Variants in SNTG1 observed in about 807,000 individuals in gnomAD.
The protein encoded by SNTG1 is gamma-1-syntrophin.
Under a neutral mutation model 74.7 loss-of-function variants are expected in SNTG1, and 39 were observed. The ratio of observed to expected loss-of-function variants is 0.52; its 90% confidence interval spans 0.40 to 0.68. SNTG1 has a LOEUF of 0.68. Among genes scored for constraint, SNTG1 ranks in the 30% least tolerant of loss-of-function variants. SNTG1 has a pLI of 0.00. For missense variants in SNTG1, 685 were observed against 609.5 expected (o/e 1.12, Z -1.30); for synonymous variants, 254 against 217.1 (o/e 1.17, Z -1.49).
intron 1 of SNTG1, among the ~76,000 whole-genome samples, chr8:49,956,337 T>C (rs919027564): frequency 6.6e-6 from 1 of 152,214 alleles, no homozygotes; most frequent in Non-Finnish European, 1.5e-5. Context: ...GACTGAAGTA[T>C]CCAAATTGAC....
intron 1 of SNTG1, among the ~76,000 whole-genome samples, chr8:50,027,390 T>C (rs934836944): frequency 6.6e-6 from 1 of 152,142 alleles, no homozygotes; most frequent in Admixed American, 6.5e-5. Context: ...CGTTGAACAA[T>C]GTCTTCCAAA....
At chr8:50,636,905 T>C (rs554266801) in intron 13 of SNTG1, among the ~76,000 whole-genome samples, 1 of 152,322 alleles carries the variant, frequency 6.6e-6, no homozygotes, top group East Asian at 1.9e-4. Context: ...TTTATAACTT[T>C]TTCTCACCAA....
intron 1 of SNTG1, among the ~76,000 whole-genome samples, chr8:50,149,028 G>A (rs192231816): frequency 1.3e-4 from 20 of 152,260 alleles, no homozygotes; most frequent in Admixed American, 6.5e-4. Context: ...GTGTAAAAGC[G>A]TCCCTATTTC....
chr8:50,252,508 G>A (rs539247059), intron 2 of SNTG1, among the ~76,000 whole-genome samples: 5 of 152,208 alleles, frequency 3.3e-5, no homozygotes, highest in South Asian at 2.1e-4. Context: ...AATAAAATCA[G>A]AGATAAAATT....
At chr8:50,296,190 T>C (rs2089361592) in intron 2 of SNTG1, among the ~76,000 whole-genome samples, 1 of 152,000 alleles carries the variant, frequency 6.6e-6, no homozygotes, top group African/African-American at 2.4e-5. Flanking sequence ...AACAAAACAG[T>C]GAAAGACAGT....
At chr8:50,258,173 A>G (rs775168043) in intron 2 of SNTG1, among the ~76,000 whole-genome samples, 31 of 152,212 alleles carry the variant, frequency 2.0e-4, no homozygotes, top group Non-Finnish European at 3.8e-4. Flanking sequence ...ACAATATATT[A>G]TTTAAAATGC....
chr8:50,554,897 T>C (rs578117229), intron 12 of SNTG1, among the ~76,000 whole-genome samples: 1 of 151,966 alleles, frequency 6.6e-6, no homozygotes, highest in Non-Finnish European at 1.5e-5. Flanking sequence ...AAGAACAGAA[T>C]GTTAAACTTT....
chr8:50,506,357 A>G (rs576231401), intron 9 of SNTG1, among the ~76,000 whole-genome samples: 184 of 152,122 alleles, frequency 1.2e-3, no homozygotes, highest in African/African-American at 4.3e-3. Context: ...GAAGTTTAGG[A>G]TAGTTTTTCT....
intron 4 of SNTG1, among the ~76,000 whole-genome samples, chr8:50,419,652 A>G (rs79723263): frequency 0.021 from 3,130 of 152,236 alleles, 114 homozygotes; most frequent in African/African-American, 0.071. Flanking sequence ...TAAAATTCCC[A>G]CCTATCACCA....
chr8:50,747,072 A>C (rs1156307265), intron 17 of SNTG1, among the ~76,000 whole-genome samples: 2 of 151,644 alleles, frequency 1.3e-5, no homozygotes, highest in Non-Finnish European at 2.9e-5. Flanking sequence ...AAAAAACCTT[A>C]TAGACTTCTG....
chr8:50,655,721 T>A (rs993483021), intron 13 of SNTG1, among the ~76,000 whole-genome samples: 2 of 152,188 alleles, frequency 1.3e-5, no homozygotes, highest in Non-Finnish European at 2.9e-5. Flanking sequence ...TAGACGACAG[T>A]AATATTTCAA....
intron 3 of SNTG1, among the ~76,000 whole-genome samples, chr8:50,398,299 T>A (rs2092754315): frequency 1.3e-5 from 2 of 152,242 alleles, no homozygotes; most frequent in African/African-American, 4.8e-5. Flanking sequence ...CTGCCCATCA[T>A]ACAGGGCGTT....
chr8:50,586,643 T>C (rs2094650157), intron 12 of SNTG1, among the ~76,000 whole-genome samples: 1 of 99,790 alleles, frequency 1.0e-5, no homozygotes, highest in Non-Finnish European at 2.0e-5. Context: ...CCTGTCTTCA[T>C]TTCATTAATA....
intron 1 of SNTG1, among the ~76,000 whole-genome samples, chr8:49,928,079 A>G (rs1196126637): frequency 2.0e-5 from 3 of 150,558 alleles, no homozygotes; most frequent in Admixed American, 6.6e-5. Context: ...TAGTGAGCCG[A>G]GATCACACCA....
At chr8:49,935,484 G>C (rs1292788665) in intron 1 of SNTG1, among the ~76,000 whole-genome samples, 2 of 138,930 alleles carry the variant, frequency 1.4e-5, no homozygotes, top group African/African-American at 5.5e-5. Flanking sequence ...CTGGGTCACT[G>C]GAAAAAAAGT....
intron 2 of SNTG1, among the ~76,000 whole-genome samples, chr8:50,387,957 T>C (rs1587428180): frequency 6.6e-6 from 1 of 152,296 alleles, no homozygotes; most frequent in East Asian, 1.9e-4. Context: ...AGACTTCATA[T>C]ATGTCTTCCT....
chr8:50,211,077 T>C (rs935234934), intron 2 of SNTG1, among the ~76,000 whole-genome samples: 2 of 152,160 alleles, frequency 1.3e-5, no homozygotes, highest in Non-Finnish European at 2.9e-5. Flanking sequence ...AATATGGGTG[T>C]TACAAATTCA....
chr8:50,294,932 G>T (rs999666438), intron 2 of SNTG1, among the ~76,000 whole-genome samples: 1 of 152,038 alleles, frequency 6.6e-6, no homozygotes, highest in African/African-American at 2.4e-5. Flanking sequence ...CGGACAACGA[G>T]CACTAAAAAA....
chr8:50,204,324 A>G (rs2131858273), intron 2 of SNTG1, among the ~76,000 whole-genome samples: 1 of 152,236 alleles, frequency 6.6e-6, no homozygotes, highest in South Asian at 2.1e-4. Context: ...TGGCACTGAA[A>G]TGAATTGTAG....
Sources: allele counts gnomAD v4.1 joint callset (sites outside exome capture counted in the v4.1 genomes callset), GRCh38; gene constraint gnomAD v4.1.1; transcripts MANE v1.5; gene names NCBI Gene and HGNC (gene_info 2026-07-23, HGNC 2026-07-21).